The following TADA2A variants were observed in gnomAD, a reference collection of about 807,000 sequenced individuals.
TADA2A encodes transcriptional adaptor 2A.
Under a neutral mutation model 67.4 loss-of-function variants are expected in TADA2A, and 38 were observed. The ratio of observed to expected loss-of-function variants is 0.56; its 90% CI spans 0.44 to 0.74. TADA2A has a LOEUF of 0.74. Among genes scored for constraint, TADA2A ranks in the 30% least tolerant of loss-of-function variants. TADA2A has a pLI of 0.00. For missense variants in TADA2A, 454 were observed against 547.0 expected (o/e 0.83, Z 1.70); for synonymous variants, 192 against 181.6 (o/e 1.06, Z -0.46).
intron 7 of TADA2A, 54 bp downstream of exon 7, chr17:37,442,706 A>C: frequency 1.9e-6 from 3 of 1,544,610 alleles, no homozygotes; most frequent in Non-Finnish European, 2.7e-6. Flanking sequence ...TTTGTTTCTC[A>C]TGAGCCTTCT....
At chr17:37,422,331 A>C (rs2052263879) in intron 2 of TADA2A, among the ~76,000 whole-genome samples, 1 of 150,646 alleles carries the variant, frequency 6.6e-6, no homozygotes, top group Non-Finnish European at 1.5e-5. Flanking sequence ...GGCATGAGCC[A>C]CCGTGCCCAG....
chr17:37,440,720 G>C, intron 6 of TADA2A, 58 bp downstream of exon 6: 2 of 1,590,450 alleles, frequency 1.3e-6, no homozygotes, highest in South Asian at 2.3e-5. Context: ...CCCTGTTTCA[G>C]TAGCAGATAA....
At chr17:37,471,219 C>G in intron 14 of TADA2A, 82 bp downstream of exon 14, 1 of 1,414,086 alleles carries the variant, frequency 7.1e-7, no homozygotes, top group South Asian at 1.2e-5. Context: ...ATCTTCCTTC[C>G]TCTGTGGTGT....
At chr17:37,465,375 A>G in intron 10 of TADA2A, 56 bp from the exon 11 acceptor site, 1 of 1,398,634 alleles carries the variant, frequency 7.1e-7, no homozygotes, top group Non-Finnish European at 9.8e-7. Context: ...AAAATGCTGA[A>G]AACTCAGGGA....
intron 10 of TADA2A, among the ~76,000 whole-genome samples, chr17:37,463,878 G>A (rs1305329126): frequency 3.3e-5 from 5 of 151,892 alleles, no homozygotes; most frequent in Non-Finnish European, 7.4e-5. Flanking sequence ...GCTTGAACCC[G>A]GGAGGCGGAG....
At chr17:37,462,840 CAG>C (rs754843254) in intron 10 of TADA2A, among the ~76,000 whole-genome samples, 4 of 151,872 alleles carry the variant, frequency 2.6e-5, no homozygotes, top group Non-Finnish European at 4.4e-5. Flanking sequence ...AGATAAATAA[CAG>C]AAAGTGATCT....
Position 37,462,091 on chromosome 17 carries a change from C to G in TADA2A, c.682C>G (p.His228Asp). The part of the protein sequence containing the change: ...RQRRKKIIRD[H>D]GLINLRKFQL... ...TTTTCATTCTAGAATTATAAGAGAC[C>G]ATGGATTAATCAACCTTAGAAAGTT... Residue 228 changes from histidine (H) to aspartate (D), a missense_variant, in exon 10 of 16, where the codon CAT becomes GAT. This residue lies in a region of TADA2A where 403 missense variants were observed against 455.5 expected (regional missense o/e 0.88). Coordinates refer to ENST00000615182, the MANE Select transcript of TADA2A (RefSeq NM_001166105.3). The G allele has an allele frequency of 6.4e-7, 1 of 1,572,584 alleles. No homozygotes were observed. The highest frequency in any genetic ancestry group is 8.7e-7 in the Non-Finnish European group (1 of 1,151,976).
At chr17:37,450,178 A>T (rs990685960) in intron 8 of TADA2A, among the ~76,000 whole-genome samples, 2 of 152,224 alleles carry the variant, frequency 1.3e-5, no homozygotes, top group African/African-American at 4.8e-5. Flanking sequence ...CACGAGCGAC[A>T]GGTTGGATAA....
chr17:37,408,783 A>G (rs528044449), intron 1 of TADA2A, among the ~76,000 whole-genome samples: 1 of 152,144 alleles, frequency 6.6e-6, no homozygotes, highest in African/African-American at 2.4e-5. Context: ...TGCTAGACTC[A>G]TTTTTCTTCA....
Position 37,423,535 on chromosome 17 carries a change from C to G in TADA2A, c.52C>G (p.Arg18Gly), listed in dbSNP as rs143836210. 2 of 1,612,406 alleles carry G rather than the reference C, an allele frequency of 1.2e-6. No individual in the cohort carries two copies. Among genetic ancestry groups the G allele is most frequent in the Non-Finnish European group, 1.7e-6 (2 of 1,179,658 alleles). The change falls in exon 3 of 16, where the codon CGA becomes GGA. Residue 18 changes from arginine (R) to glycine (G), a missense_variant. By Grantham distance (125) the Arg-to-Gly change is moderately radical (BLOSUM62 -2). This residue lies in a region of TADA2A where 403 missense variants were observed against 455.5 expected (regional missense o/e 0.88). Transcript: ENST00000615182. ...TGATCCCTCTGATAAGCCACCTTGC[C>G]GAGGCTGCTCCTCCTACCTCATGGA... Reference protein sequence around the residue: ...SNDPSDKPPCRGCSSYLMEPY... With the variant: ...SNDPSDKPPCGGCSSYLMEPY...
intron 8 of TADA2A, among the ~76,000 whole-genome samples, chr17:37,451,371 T>G (rs1183159083): frequency 2.0e-5 from 3 of 147,008 alleles, no homozygotes; most frequent in Non-Finnish European, 4.5e-5. Context: ...CAGGTTGGAG[T>G]GCAGTGGTGC....
At chr17:37,452,397 C>T (rs1483788484) in intron 8 of TADA2A, among the ~76,000 whole-genome samples, 2 of 151,866 alleles carry the variant, frequency 1.3e-5, no homozygotes, top group East Asian at 1.9e-4. Context: ...AGCGAGACTC[C>T]ATCTCAAAAA....
At position 37,421,965 on chromosome 17, in the gene TADA2A, G is replaced by A. The variant is rs1201634468; in HGVS notation, c.26-1544G>A. ...GTGATCTCGGATCACTGCAACCTCC[G>A]CCTCCCGGGTTCAAGCAGTTCTTCT... On this transcript the variant is annotated intron_variant, in intron 2 of 15. Coordinates refer to ENST00000615182, the MANE Select transcript of TADA2A (RefSeq NM_001166105.3). 4.1e-5 allele frequency among the ~76,000 whole-genome samples: 6 copies of A among 145,262 alleles called. 2 individuals carry two copies. The highest frequency in any genetic ancestry group is 7.7e-5 in the Non-Finnish European group (5 of 65,232).
At chr17:37,449,889 C>A (rs902572457) in intron 8 of TADA2A, among the ~76,000 whole-genome samples, 1 of 152,126 alleles carries the variant, frequency 6.6e-6, no homozygotes, top group Non-Finnish European at 1.5e-5. Context: ...CATTTGTTAT[C>A]TTCTATAGCT....
chr17:37,472,929 C>G (rs546357773), intron 14 of TADA2A, among the ~76,000 whole-genome samples: 26 of 151,882 alleles, frequency 1.7e-4, no homozygotes, highest in Admixed American at 2.0e-4. Flanking sequence ...TATTTTTGTT[C>G]TCTGTACTAT....
At chr17:37,463,647 T>C (rs1324578553) in intron 10 of TADA2A, among the ~76,000 whole-genome samples, 2 of 151,772 alleles carry the variant, frequency 1.3e-5, no homozygotes, top group African/African-American at 2.4e-5. Context: ...TTTTAGGTCC[T>C]TTATTATTTA....
intron 6 of TADA2A, among the ~76,000 whole-genome samples, chr17:37,442,172 A>C (rs1469747870): frequency 6.7e-6 from 1 of 149,038 alleles, no homozygotes; most frequent in African/African-American, 2.5e-5. Context: ...GCTAACTTCC[A>C]ATTCCAGTGT....
chr17:37,415,044 C>T (rs1012387952), intron 2 of TADA2A, among the ~76,000 whole-genome samples: 4 of 152,070 alleles, frequency 2.6e-5, no homozygotes, highest in Non-Finnish European at 2.9e-5. Context: ...AGGTGTCTGC[C>T]ACCACACCTG....
intron 7 of TADA2A, among the ~76,000 whole-genome samples, 172 bp downstream of exon 7, chr17:37,442,824 T>G (rs2052961498): frequency 6.6e-6 from 1 of 152,170 alleles, no homozygotes; most frequent in Non-Finnish European, 1.5e-5. Context: ...CTTTTCTCAT[T>G]TGTAAACATT....
Sources: gnomAD v4.1 joint callset for allele counts (sites outside exome capture counted in the v4.1 genomes callset) on GRCh38, gnomAD v4.1.1 for gene constraint, gnomAD v4.1.1 regional missense constraint, MANE v1.5 for transcripts, NCBI Gene and HGNC (gene_info 2026-07-23, HGNC 2026-07-21) for gene names.